PKHD1: variants seen among roughly 807,000 people sequenced by gnomAD.
PKHD1 encodes the protein fibrocystin.
A neutral mutation model predicts 412.0 loss-of-function variants in PKHD1; 291 were observed. The observed-to-expected ratio is 0.71, with a 90% CI of 0.64 to 0.78. The LOEUF (loss-of-function observed/expected upper bound fraction) is 0.78, where lower values mean the gene tolerates loss of function less well. Among genes scored for constraint, PKHD1 ranks in the 30% least tolerant of loss-of-function variants. The pLI, the probability that PKHD1 is intolerant of heterozygous loss-of-function variation, is 0.00. For missense variants in PKHD1, 4,825 were observed against 4,950.7 expected (o/e 0.97, Z 0.76); for synonymous variants, 1,777 against 1,821.5 (o/e 0.98, Z 0.62).
At chr6:51,925,592 A>T (rs1377972089) in intron 37 of PKHD1, among the ~76,000 whole-genome samples, 1 of 152,200 alleles carries the variant, frequency 6.6e-6, no homozygotes, top group Admixed American at 6.5e-5. Context: ...TAGAACAAAA[A>T]GGCTGAGTAT....
At chr6:52,000,767 A>G (rs998893772) in intron 35 of PKHD1, among the ~76,000 whole-genome samples, 1 of 152,248 alleles carries the variant, frequency 6.6e-6, no homozygotes, top group African/African-American at 2.4e-5. Context: ...AAGAAAAATA[A>G]GGACTTTTGG....
At chr6:51,658,476 A>G (rs1283860835) in intron 61 of PKHD1, among the ~76,000 whole-genome samples, 1 of 152,092 alleles carries the variant, frequency 6.6e-6, no homozygotes, top group African/African-American at 2.4e-5. Flanking sequence ...CAAATTCCAC[A>G]TTCACTGGAG....
chr6:51,860,223 A>G (rs1773968166), intron 48 of PKHD1, among the ~76,000 whole-genome samples: 1 of 152,170 alleles, frequency 6.6e-6, no homozygotes, highest in Non-Finnish European at 1.5e-5. Context: ...TTCCACTCTG[A>G]AAAGCAACTC....
intron 56 of PKHD1, among the ~76,000 whole-genome samples, chr6:51,754,311 A>T (rs1786603296): frequency 6.6e-6 from 1 of 152,200 alleles, no homozygotes; most frequent in African/African-American, 2.4e-5. Context: ...TAATAGTAGT[A>T]GTTAATACAT....
intron 35 of PKHD1, among the ~76,000 whole-genome samples, chr6:51,991,190 T>C (rs901240395): frequency 6.6e-6 from 1 of 152,098 alleles, no homozygotes; most frequent in Non-Finnish European, 1.5e-5. Flanking sequence ...TGTTTAAAAA[T>C]GGAAATACAC....
intron 17 of PKHD1, 33 bp from the exon 18 acceptor site, chr6:52,056,821 T>C (rs764886057): frequency 1.9e-6 from 3 of 1,593,472 alleles, no homozygotes; most frequent in Non-Finnish European, 2.6e-6. Flanking sequence ...CAGGAATTTA[T>C]ATCATGAGCA....
chr6:51,909,814 A>C (rs1354878831), intron 39 of PKHD1, among the ~76,000 whole-genome samples: 1 of 152,126 alleles, frequency 6.6e-6, no homozygotes, highest in Non-Finnish European at 1.5e-5. Flanking sequence ...TGTGCAATAA[A>C]ATGACCTTCT....
chr6:51,744,139 T>C (rs1214725842), intron 60 of PKHD1, among the ~76,000 whole-genome samples: 4 of 152,244 alleles, frequency 2.6e-5, no homozygotes, highest in South Asian at 2.1e-4. Context: ...AAGTTGGGCA[T>C]TGAGAATCTG....
At chr6:51,790,595 C>T (rs1428994699) in intron 53 of PKHD1, among the ~76,000 whole-genome samples, 1 of 152,170 alleles carries the variant, frequency 6.6e-6, no homozygotes, top group Non-Finnish European at 1.5e-5. Flanking sequence ...CTACCTCTTC[C>T]ATATTGTCCC....
At position 52,025,625 on chromosome 6, in the gene PKHD1, G is replaced by A; in HGVS notation, c.4185C>T (p.Phe1395=). The A allele has an allele frequency of 6.2e-7, 1 of 1,614,146 alleles. No homozygotes were observed. The highest frequency in any genetic ancestry group is 2.2e-5 in the East Asian group (1 of 44,880). ...CACCACATGCCGAACCCTGCGATGG[G>A]AAGATGGCCATTATCCGAGGCATCA... is the stretch of plus-strand genomic sequence containing the variant. The part of the protein sequence containing the change: ...FAVMPRIMAI[F]PSQGSACGGT... Residue 1395 remains phenylalanine, a synonymous_variant, in exon 32 of 67, where the codon TTC becomes TTT. Transcript: ENST00000371117.
At chr6:51,934,424 T>C (rs1349688274) in intron 36 of PKHD1, 102 bp from the exon 37 acceptor site, 1 of 772,636 alleles carries the variant, frequency 1.3e-6, no homozygotes, top group African/African-American at 1.7e-5. Context: ...ATACTTCTGC[T>C]GGAATGTAGA....
At position 52,046,022 on chromosome 6, in the gene PKHD1, A is replaced by G; in HGVS notation, c.2574T>C (p.Asp858=). The G allele has an allele frequency of 6.2e-7, 1 of 1,613,372 alleles. No individual in the cohort carries two copies. The highest frequency in any genetic ancestry group is 8.5e-7 in the Non-Finnish European group (1 of 1,179,388). The change falls in exon 24 of 67, where the codon GAT becomes GAC. Residue 858 remains aspartate, a synonymous_variant. Transcript: ENST00000371117. ...TACATACCCTGATAAAATTGGGCAA[A>G]TCCCCAATCTGAGTGGACCAGGACA... ...WTLSWSTQIG[D]LPNFIRVSDE...
Position 51,868,021 on chromosome 6 carries a change from T to G in PKHD1, c.7575A>C (p.Glu2525Asp), listed in dbSNP as rs756456332. Residue 2525 changes from glutamate (E) to aspartate (D), a missense_variant, in exon 48 of 67, where the codon GAA (glutamate) becomes GAC (aspartate). Glu to Asp is a conservative substitution (Grantham distance 45). Transcript: ENST00000371117. ...TCCCAGACAGAGACCCATCCAAGTC[T>G]TCCAAAATTGCTGCATGAGGAAATG... ...AFPFPHAAIL[E>D]DLDGSLSGKN... is the part of the protein sequence containing the mutation. 7 of 1,612,850 alleles carry G rather than the reference T, an allele frequency of 4.3e-6. No homozygotes were observed. In the Admixed American group the frequency reaches 1.2e-4, roughly 27 times the overall value.
chr6:51,819,025 A>C (rs1765942924), intron 52 of PKHD1, among the ~76,000 whole-genome samples: 1 of 152,212 alleles, frequency 6.6e-6, no homozygotes, highest in South Asian at 2.1e-4. Flanking sequence ...CAGAAGACTT[A>C]ATCTTCCTAA....
intron 37 of PKHD1, among the ~76,000 whole-genome samples, chr6:51,933,177 T>C (rs1786919836): frequency 6.6e-6 from 1 of 152,174 alleles, no homozygotes; most frequent in Non-Finnish European, 1.5e-5. Context: ...TTACAGTTGA[T>C]ACTAAGGATT....
At chr6:52,028,922 T>C (rs766169630) in intron 29 of PKHD1, among the ~76,000 whole-genome samples, 11 of 152,220 alleles carry the variant, frequency 7.2e-5, no homozygotes, top group Non-Finnish European at 1.6e-4. Flanking sequence ...CAAAGGCAAA[T>C]CAAGAAGTTT....
rs115871890 is a variant in PKHD1, at chr6:51,621,651, A to G, written c.11786-2131T>C. The stretch of plus-strand genomic sequence containing the variant: ...ATGAATTATTTACATGGCAGCTCCA[A>G]TCAGCAACATACCTGACAGACTCCC... On this transcript the variant is annotated intron_variant, in intron 66 of 66. Coordinates refer to ENST00000371117, the MANE Select transcript of PKHD1 (RefSeq NM_138694.4). 5.8e-3 allele frequency among the ~76,000 whole-genome samples: 887 copies of G among 152,262 alleles called. 4 individuals carry two copies. The highest frequency in any genetic ancestry group is 0.024 in the Middle Eastern group (7 of 294).
At chr6:51,723,861 T>C (rs1782230789) in intron 60 of PKHD1, among the ~76,000 whole-genome samples, 2 of 152,188 alleles carry the variant, frequency 1.3e-5, no homozygotes, top group Non-Finnish European at 2.9e-5. Flanking sequence ...TTTGGCATAC[T>C]GAGCACTTTT....
intron 60 of PKHD1, among the ~76,000 whole-genome samples, chr6:51,716,544 C>T (rs577566169): frequency 3.9e-5 from 6 of 152,054 alleles, no homozygotes; most frequent in Admixed American, 6.6e-5. Flanking sequence ...TAGAGTCCTG[C>T]GTGTTGTGTA....
Sources: gnomAD v4.1 joint callset for allele counts (sites outside exome capture counted in the v4.1 genomes callset) on GRCh38, gnomAD v4.1.1 for gene constraint, MANE v1.5 for transcripts, NCBI Gene and HGNC (gene_info 2026-07-23, HGNC 2026-07-21) for gene names.